Variants in RAB5IF observed in about 807,000 individuals in gnomAD.
The protein encoded by RAB5IF is GEL complex subunit OPTI.
A neutral mutation model predicts 20.3 loss-of-function variants in RAB5IF; 15 were observed. That is an observed-to-expected ratio of 0.74 (90% confidence interval 0.50 to 1.14). The LOEUF is 1.14. Among genes scored for constraint, RAB5IF ranks in the 50% most tolerant of loss-of-function variants. The probability of loss-of-function intolerance (pLI) is 0.00; values close to 1 mark genes in which losing one functional copy is unlikely to be tolerated. For synonymous variants in RAB5IF, 67 were observed against 63.7 expected, an observed-to-expected ratio of 1.05 and a Z score of -0.25; for missense variants, 148 against 159.5, an observed-to-expected ratio of 0.93 and a Z score of 0.39.
Position 36,609,858 on chromosome 20 carries a change from TCAGGGCCATGGCCTGTGTTGAGCCA to T in RAB5IF, c.348+131_348+155del. The T allele has an allele frequency of 1.9e-6, 3 of 1,553,584 alleles. No individual in the cohort carries two copies. In the South Asian group the frequency reaches 3.4e-5, roughly 18 times the overall value. The stretch of plus-strand genomic sequence containing the variant: ...CTATTTTTCTAAAGGCTTCTGAGGC[TCAGGGCCATGGCCTGTGTTGAGCCA>T]CATCCCAGAAGATGTGGTCTGATAT... On this transcript the variant is annotated intron_variant, in intron 3 of 3. Transcript: ENST00000344795.
intron 3 of RAB5IF, 87 bp from the exon 4 acceptor site, chr20:36,611,922 GT>G: frequency 1.9e-6 from 3 of 1,570,120 alleles, no homozygotes; most frequent in Non-Finnish European, 2.6e-6. Flanking sequence ...AGTGCCCCGT[GT>G]TTACATTCTC....
In RAB5IF at chr20:36,605,808, C is replaced by A. The variant is rs559933103; in HGVS notation, c.-144C>A. 1,033 of 424,202 alleles carry A rather than the reference C, an allele frequency of 2.4e-3. 10 individuals carry two copies. Among genetic ancestry groups the A allele is most frequent in the African/African-American group, 0.02 (966 of 48,534 alleles). 26.3% of individuals were successfully genotyped at this position (424,202 alleles called of 1,614,324 possible). ...AGCCGGCGGAACCGGGTAGCTTGGC[C>A]AGGTTGTGAGGAACCGCAGCGCGCC... On this transcript the variant is annotated 5_prime_UTR_variant, in exon 1 of 4. Coordinates refer to ENST00000344795, the MANE Select transcript of RAB5IF (RefSeq NM_018840.5).
intron 1 of RAB5IF, 80 bp downstream of exon 1, chr20:36,606,145 C>G (rs1182012501): frequency 2.3e-6 from 2 of 883,246 alleles, no homozygotes; most frequent in East Asian, 3.3e-5. Flanking sequence ...CGGGCCTGCC[C>G]TCGTCCTCGT....
At position 36,609,737 on chromosome 20, in the gene RAB5IF, G is replaced by A. The variant is rs573457098; in HGVS notation, c.348+7G>A. ...CTCTTTTGCCTTGTTCATGGTATGT[G>A]TAGCTGATAGTTTTACAACAGGTAC... On this transcript the variant is annotated splice_region_variant and intron_variant, in intron 3 of 3. Coordinates refer to ENST00000344795, the MANE Select transcript of RAB5IF (RefSeq NM_018840.5). The A allele has an allele frequency of 9.9e-5, 159 of 1,614,036 alleles. 1 individual carries two copies. The highest frequency in any genetic ancestry group is 1.3e-4 in the Non-Finnish European group (155 of 1,180,034).
At position 36,612,138 on chromosome 20, in the gene RAB5IF, CCCCTTGGAACTTGGAAGA is replaced by C. The variant is rs1178208135; in HGVS notation, c.*91_*108del. On this transcript the variant is annotated 3_prime_UTR_variant, in exon 4 of 4. Coordinates refer to ENST00000344795, the MANE Select transcript of RAB5IF (RefSeq NM_018840.5). ...GAACTTGATCGTTGGGGAACCCCAG[CCCCTTGGAACTTGGAAGA>C]CCCGTGTTTCCTGGACCGCGAATCA... The C allele has an allele frequency of 9.9e-6, 16 of 1,614,068 alleles. No homozygotes were observed. Among genetic ancestry groups the C allele is most frequent in the Non-Finnish European group, 1.4e-5 (16 of 1,180,036 alleles).
chr20:36,609,280 CCAGGCTGTAGTG>C (rs1209109518), intron 2 of RAB5IF, among the ~76,000 whole-genome samples: 1 of 148,960 alleles, frequency 6.7e-6, no homozygotes, highest in Non-Finnish European at 1.5e-5. Flanking sequence ...TCGCTGTTGC[CCAGGCTGTAGTG>C]CAGTGGAACA....
chr20:36,607,567 A>G, intron 1 of RAB5IF, 148 bp from the exon 2 acceptor site: 3 of 816,018 alleles, frequency 3.7e-6, no homozygotes. Flanking sequence ...TAGTATAAGT[A>G]AGAGGTGAAA....
intron 3 of RAB5IF, among the ~76,000 whole-genome samples, chr20:36,610,007 G>A (rs961013262): frequency 6.6e-6 from 1 of 152,238 alleles, no homozygotes; most frequent in East Asian, 1.9e-4. Flanking sequence ...GGAGGGCTGA[G>A]CATGGTGGCT....
chr20:36,610,246 C>T lies in RAB5IF; in HGVS notation c.348+516C>T, dbSNP rs201600578. Among the ~76,000 whole-genome samples the T allele has an allele frequency of 4.6e-5, 7 of 151,536 alleles. No homozygotes were observed. The East Asian group carries it at 1.4e-3, about 30-fold the overall frequency. ...TTGCAGTGAGCCAAGATCGCGCCAT[C>T]GCATTCTAGCCTGGGCAACAAGAGG... is the stretch of plus-strand genomic sequence containing the variant. On this transcript the variant is annotated intron_variant, in intron 3 of 3. Coordinates refer to ENST00000344795, the MANE Select transcript of RAB5IF (RefSeq NM_018840.5).
At chr20:36,611,493 CAAAAAAAAAA>C (rs60975859) in intron 3 of RAB5IF, among the ~76,000 whole-genome samples, 8 of 46,522 alleles carry the variant, frequency 1.7e-4, no homozygotes, top group African/African-American at 4.9e-4. Context: ...CAGCAGGACT[CAAAAAAAAAA>C]AAAAAAAAAA....
chr20:36,609,207 A>ACACACACACACACACACACACACC lies in RAB5IF; in HGVS notation c.219-391_219-390insACACACACACACACACACACCCAC, dbSNP rs2039031519. ...CACACACACACACGCACACACGCAC[A>ACACACACACACACACACACACACC]CACGCACACACGCACACACACACAC... On this transcript the variant is annotated intron_variant, in intron 2 of 3. Coordinates refer to ENST00000344795, the MANE Select transcript of RAB5IF (RefSeq NM_018840.5). 4.6e-5 allele frequency among the ~76,000 whole-genome samples: 3 copies of ACACACACACACACACACACACACC among 65,848 alleles called. 1 individual carries two copies. Among genetic ancestry groups the ACACACACACACACACACACACACC allele is most frequent in the Admixed American group, 1.6e-4 (1 of 6,358 alleles). The allele number at this position is 65,848 out of a possible 152,430, so 43.2% of individuals were successfully genotyped here.
chr20:36,607,986 T>C, intron 2 of RAB5IF, 168 bp downstream of exon 2: 5 of 1,487,800 alleles, frequency 3.4e-6, no homozygotes, highest in Non-Finnish European at 2.7e-6. Flanking sequence ...GCACCACTCC[T>C]CAGGAGCATC....
chr20:36,607,797 G>C lies in RAB5IF; in HGVS notation c.197G>C (p.Arg66Pro), dbSNP rs769890443. 1.2e-6 allele frequency: 2 copies of C among 1,613,904 alleles called. No individual in the cohort carries two copies. Among genetic ancestry groups the C allele is most frequent in the South Asian group, 2.2e-5 (2 of 91,066 alleles). Reference protein sequence around the residue: ...LGVIWGVLPLRGFLGIAGFCL... With the variant: ...LGVIWGVLPLPGFLGIAGFCL... ...GTCATTTGGGGAGTTTTGCCATTAC[G>C]AGGGTTCTTGGGAATAGCAGGGTAA... The change falls in exon 2 of 4, where the codon CGA (arginine) becomes CCA (proline). Residue 66 changes from arginine to proline, a missense_variant. Arg to Pro is a moderately radical substitution (Grantham distance 103). Coordinates refer to ENST00000344795, the MANE Select transcript of RAB5IF (RefSeq NM_018840.5).
intron 3 of RAB5IF, among the ~76,000 whole-genome samples, chr20:36,610,986 C>G (rs1244000600): frequency 6.6e-6 from 1 of 152,084 alleles, no homozygotes; most frequent in African/African-American, 2.4e-5. Context: ...CAGAAAGCCT[C>G]TCAACTGTAC....
Position 36,612,269 on chromosome 20 carries a change from A to G in RAB5IF, c.*218A>G. ...CCTTTGGGGAAGCATTTCTGAATTT[A>G]TCCATCACCAACCATTTCTTCTTGG... On this transcript the variant is annotated 3_prime_UTR_variant, in exon 4 of 4. Coordinates refer to ENST00000344795, the MANE Select transcript of RAB5IF (RefSeq NM_018840.5). The G allele has an allele frequency of 6.4e-7, 1 of 1,563,834 alleles. No individual in the cohort carries two copies. Among genetic ancestry groups the G allele is most frequent in the Non-Finnish European group, 8.8e-7 (1 of 1,134,522 alleles).
chr20:36,607,834 C>A lies in RAB5IF; in HGVS notation c.218+16C>A. 6.2e-7 allele frequency: 1 copy of A among 1,612,926 alleles called. No homozygotes were observed. Among genetic ancestry groups the A allele is most frequent in the Non-Finnish European group, 8.5e-7 (1 of 1,179,322 alleles). ...GAATAGCAGGGTAAGTCTTGGGTAT[C>A]TTATATTTTCATGGTATCATTTCTT... is the stretch of plus-strand genomic sequence containing the variant. On this transcript the variant is annotated intron_variant, in intron 2 of 3. Coordinates refer to ENST00000344795, the MANE Select transcript of RAB5IF (RefSeq NM_018840.5).
chr20:36,606,006 G>A lies in RAB5IF; in HGVS notation c.55G>A (p.Ala19Thr). The change falls in exon 1 of 4, where the codon GCC becomes ACC. Residue 19 changes from alanine (A) to threonine (T), a missense_variant. By Grantham distance (58) the Ala-to-Thr change is moderately conservative. Transcript: ENST00000344795. ...GCCTCAGCCGCAGCTGGCCAACGGG[G>A]CCCTCAAAGTCTCCGTCTGGAGTAA... The part of the protein sequence containing the change: ...EPPQPQLANG[A>T]LKVSVWSKVL... 6.5e-7 allele frequency: 1 copy of A among 1,529,274 alleles called. No homozygotes were observed. The highest frequency in any genetic ancestry group is 8.8e-7 in the Non-Finnish European group (1 of 1,135,508). The allele number at this position is 1,529,274 out of a possible 1,614,324, so 94.7% of individuals were successfully genotyped here.
In RAB5IF at chr20:36,609,256, C is replaced by CTATA. The variant is rs60707085; in HGVS notation, c.219-340_219-337dup. Among the ~76,000 whole-genome samples the CTATA allele has an allele frequency of 9.5e-4, 115 of 121,654 alleles. 1 individual carries two copies. Among genetic ancestry groups the CTATA allele is most frequent in the East Asian group, 1.5e-3 (7 of 4,638 alleles). The allele number at this position is 121,654 out of a possible 152,430, so 79.8% of individuals were successfully genotyped here. ...ACACACACACACACACACACACACA[C>CTATA]TATATATAGAGTTTCGCTGTTGCCC... is the stretch of plus-strand genomic sequence containing the variant. On this transcript the variant is annotated intron_variant, in intron 2 of 3. Transcript: ENST00000344795.
chr20:36,609,023 C>T (rs57422294), intron 2 of RAB5IF, among the ~76,000 whole-genome samples: 5,973 of 151,728 alleles, frequency 0.039, 411 homozygotes, highest in African/African-American at 0.14. Flanking sequence ...AACTAGGCTA[C>T]GAAGCAGCAG....
Sources: allele counts gnomAD v4.1 joint callset (sites outside exome capture counted in the v4.1 genomes callset), GRCh38; gene constraint gnomAD v4.1.1; transcripts MANE v1.5; gene names NCBI Gene and HGNC (gene_info 2026-07-23, HGNC 2026-07-21).